WWOX: variants seen among roughly 807,000 people sequenced by gnomAD.
WWOX encodes WW domain-containing oxidoreductase.
In WWOX, 69 loss-of-function variants were observed where a neutral mutation model predicts 46.2. The ratio of observed to expected loss-of-function variants is 1.49; its 90% CI spans 1.23 to 1.82. The LOEUF is 1.82. Ranked by LOEUF, WWOX falls within the 40% of genes most tolerant of loss-of-function variation. The probability of loss-of-function intolerance (pLI) is 0.00; values close to 1 mark genes in which losing one functional copy is unlikely to be tolerated. For missense variants in WWOX, 919 were observed against 542.6 expected, an observed-to-expected ratio of 1.69 and a Z score of -6.89; for synonymous variants, 359 against 202.6, an observed-to-expected ratio of 1.77 and a Z score of -6.56.
chr16:78,304,255 A>T (rs1169576377), intron 5 of WWOX, among the ~76,000 whole-genome samples: 1 of 152,216 alleles, frequency 6.6e-6, no homozygotes, highest in Non-Finnish European at 1.5e-5. Flanking sequence ...TCTAATGCAT[A>T]GGCCTTTAGC....
chr16:78,265,249 C>T (rs1042395442), intron 5 of WWOX, among the ~76,000 whole-genome samples: 2 of 152,058 alleles, frequency 1.3e-5, no homozygotes, highest in African/African-American at 4.8e-5. Flanking sequence ...CCCACCTTGG[C>T]CTCCCAAAAT....
At chr16:78,620,247 T>C (rs1478981753) in intron 8 of WWOX, among the ~76,000 whole-genome samples, 1 of 152,182 alleles carries the variant, frequency 6.6e-6, no homozygotes, top group African/African-American at 2.4e-5. Context: ...ATTGTGCTGT[T>C]AGGAGGGCTG....
At chr16:78,279,051 A>G (rs1458166949) in intron 5 of WWOX, among the ~76,000 whole-genome samples, 2 of 152,166 alleles carry the variant, frequency 1.3e-5, no homozygotes, top group Non-Finnish European at 2.9e-5. Flanking sequence ...TCCTCCTCCC[A>G]TTGTCAAGGA....
intron 8 of WWOX, among the ~76,000 whole-genome samples, chr16:78,619,696 G>A (rs1399737044): frequency 6.6e-6 from 1 of 151,972 alleles, no homozygotes; most frequent in Non-Finnish European, 1.5e-5. Context: ...CTTGAGCCCA[G>A]CAATTGGAGA....
At chr16:78,706,475 G>T (rs978200413) in intron 8 of WWOX, among the ~76,000 whole-genome samples, 3 of 151,838 alleles carry the variant, frequency 2.0e-5, no homozygotes, top group African/African-American at 7.3e-5. Flanking sequence ...TGCTTTCCTG[G>T]GGCTCTTCCT....
chr16:78,674,394 C>G (rs1440158682), intron 8 of WWOX, among the ~76,000 whole-genome samples: 1 of 151,506 alleles, frequency 6.6e-6, no homozygotes, highest in Non-Finnish European at 1.5e-5. Flanking sequence ...AAGCAATTGT[C>G]CTGCCTCAGC....
intron 8 of WWOX, among the ~76,000 whole-genome samples, chr16:78,779,854 G>T (rs1358657703): frequency 6.6e-6 from 1 of 152,108 alleles, no homozygotes; most frequent in Non-Finnish European, 1.5e-5. Context: ...AGGGCCTTTG[G>T]GACTGGGTGG....
intron 8 of WWOX, among the ~76,000 whole-genome samples, chr16:78,853,302 C>T (rs535611862): frequency 6.6e-6 from 1 of 152,042 alleles, no homozygotes; most frequent in Non-Finnish European, 1.5e-5. Context: ...CTCACTGCAA[C>T]CTCTGTCTCC....
intron 8 of WWOX, among the ~76,000 whole-genome samples, chr16:78,942,541 G>A (rs1032031436): frequency 6.6e-6 from 1 of 152,016 alleles, no homozygotes; most frequent in Non-Finnish European, 1.5e-5. Flanking sequence ...GTAAAGCAAG[G>A]AATTAATAAA....
intron 8 of WWOX, among the ~76,000 whole-genome samples, chr16:78,515,831 A>C (rs555943635): frequency 1.3e-5 from 2 of 152,206 alleles, no homozygotes; most frequent in African/African-American, 4.8e-5. Context: ...CAGTTAAAAA[A>C]AGCAATAACA....
chr16:78,741,723 G>T (rs545074921), intron 8 of WWOX, among the ~76,000 whole-genome samples: 1 of 151,694 alleles, frequency 6.6e-6, no homozygotes, highest in Admixed American at 6.6e-5. Context: ...GGCATGGGGC[G>T]GGTGCTCTGT....
chr16:78,102,851 C>A (rs2031886272), intron 1 of WWOX, among the ~76,000 whole-genome samples: 1 of 152,152 alleles, frequency 6.6e-6, no homozygotes, highest in Admixed American at 6.5e-5. Context: ...GTAAATGAAT[C>A]ACCTTGGGAG....
intron 8 of WWOX, among the ~76,000 whole-genome samples, chr16:79,003,918 C>T (rs1345332214): frequency 1.3e-5 from 2 of 152,146 alleles, no homozygotes; most frequent in South Asian, 2.1e-4. Flanking sequence ...AATTGATGGG[C>T]AGATTTTATC....
At chr16:78,959,615 A>G (rs533188535) in intron 8 of WWOX, among the ~76,000 whole-genome samples, 27 of 152,264 alleles carry the variant, frequency 1.8e-4, no homozygotes, top group African/African-American at 6.3e-4. Context: ...TCTCAGTGTG[A>G]TAGGAAGGCC....
At chr16:78,344,619 T>G (rs796543941) in intron 5 of WWOX, among the ~76,000 whole-genome samples, 7 of 121,644 alleles carry the variant, frequency 5.8e-5, no homozygotes, top group African/African-American at 1.7e-4. Flanking sequence ...AGATACTGGC[T>G]GTACAGAAGG....
chr16:78,474,099 C>T (rs1188765199), intron 8 of WWOX, among the ~76,000 whole-genome samples: 3 of 152,196 alleles, frequency 2.0e-5, no homozygotes, highest in Admixed American at 2.0e-4. Flanking sequence ...AGCTCTAGGT[C>T]TTGCCTGTTA....
At chr16:78,896,386 A>G (rs571503920) in intron 8 of WWOX, 5 of 152,182 alleles carry the variant, frequency 3.3e-5, no homozygotes, top group Non-Finnish European at 5.9e-5. Context: ...ACTGATGGTA[A>G]TAACAAAACC....
At chr16:78,964,432 G>A (rs541429662) in intron 8 of WWOX, among the ~76,000 whole-genome samples, 57 of 152,310 alleles carry the variant, frequency 3.7e-4, no homozygotes, top group Middle Eastern at 3.4e-3. Flanking sequence ...TTGCCCCTGC[G>A]CTAGAGATTT....
At chr16:79,199,836 G>A (rs939243802) in intron 8 of WWOX, among the ~76,000 whole-genome samples, 2 of 152,172 alleles carry the variant, frequency 1.3e-5, no homozygotes, top group Admixed American at 6.5e-5. Flanking sequence ...GCATTTGTGT[G>A]CCTTCCCTTT....
Sources: gnomAD v4.1 joint callset for allele counts (sites outside exome capture counted in the v4.1 genomes callset) on GRCh38, gnomAD v4.1.1 for gene constraint, MANE v1.5 for transcripts, NCBI Gene and HGNC (gene_info 2026-07-23, HGNC 2026-07-21) for gene names.